Variants in AFF2 observed in about 807,000 individuals in gnomAD.
The protein encoded by AFF2 is ALF transcription elongation factor 2.
A neutral mutation model predicts 76.9 loss-of-function variants in AFF2; 14 were observed. The ratio of observed to expected loss-of-function variants is 0.18; its 90% CI spans 0.12 to 0.28. The LOEUF (loss-of-function observed/expected upper bound fraction) is 0.28, where lower values mean the gene tolerates loss of function less well. AFF2 is among the 10% of genes least tolerant of loss of function. The pLI is 1.00. For synonymous variants in AFF2, 398 were observed against 366.7 expected (o/e 1.09, Z -0.98); for missense variants, 868 against 1,001.1 (o/e 0.87, Z 1.79).
intron 3 of AFF2, among the ~76,000 whole-genome samples, chrX:148,807,631 TG>T (rs1557271450): frequency 8.9e-6 from 1 of 112,375 alleles, no homozygotes; most frequent in Non-Finnish European, 1.9e-5. Flanking sequence ...TGTGTTTGCG[TG>T]GGAAAAGGCG....
chrX:148,662,873 T>C, intron 3 of AFF2, 105 bp downstream of exon 3: 1 of 845,154 alleles, frequency 1.2e-6, no homozygotes, highest in Non-Finnish European at 1.6e-6. Flanking sequence ...CTTAATGAGC[T>C]GTATAGGATA....
chrX:148,985,523 G>A (rs12007360), intron 19 of AFF2, among the ~76,000 whole-genome samples: 5,427 of 108,794 alleles, frequency 0.05, 320 homozygotes, highest in African/African-American at 0.16. Flanking sequence ...AAGAATTACA[G>A]ACGAGAAAGT....
chrX:148,612,730 G>A (rs2053746734), intron 1 of AFF2, among the ~76,000 whole-genome samples: 1 of 111,886 alleles, frequency 8.9e-6, no homozygotes, highest in Non-Finnish European at 1.9e-5. Flanking sequence ...TTTCTGATTA[G>A]TACGAAAAGA....
chrX:148,927,524 C>T (rs374932955), intron 9 of AFF2, among the ~76,000 whole-genome samples: 1 of 110,516 alleles, frequency 9.0e-6, no homozygotes, highest in Non-Finnish European at 1.9e-5. Context: ...CCCACCAGGG[C>T]TCAAACTCCA....
chrX:148,845,660 C>T lies in AFF2; in HGVS notation c.1262+2227C>T, dbSNP rs2070657914. The stretch of plus-strand genomic sequence containing the variant: ...CGGCTTAGCCATTACTATCATTCTC[C>T]CACATTTAACTACAGTGTGCTTTTT... On this transcript the variant is annotated intron_variant, in intron 7 of 20. Transcript: ENST00000370460. Among the ~76,000 whole-genome samples, 3 of 112,078 alleles carry T rather than the reference C, an allele frequency of 2.7e-5. No individual in the cohort carries two copies. In the Admixed American group the frequency reaches 2.8e-4, roughly 11 times the overall value.
chrX:148,781,867 A>G (rs1165215939), intron 3 of AFF2, among the ~76,000 whole-genome samples: 1 of 111,488 alleles, frequency 9.0e-6, no homozygotes, highest in African/African-American at 3.3e-5. Flanking sequence ...GTGGGTTGCA[A>G]AGACCATGGG....
At chrX:148,945,320 A>G (rs2071887793) in intron 9 of AFF2, among the ~76,000 whole-genome samples, 2 of 112,576 alleles carry the variant, frequency 1.8e-5, no homozygotes, top group Non-Finnish European at 3.8e-5. Flanking sequence ...CTTAAATTTC[A>G]CCAAGTCAGA....
At chrX:148,591,917 C>T (rs1257322352) in intron 1 of AFF2, among the ~76,000 whole-genome samples, 1 of 112,569 alleles carries the variant, frequency 8.9e-6, no homozygotes, top group African/African-American at 3.2e-5. Context: ...CCATTCACAA[C>T]TTGTTCCTGT....
intron 4 of AFF2, among the ~76,000 whole-genome samples, chrX:148,824,408 CACA>C (rs1396990621): frequency 1.8e-5 from 2 of 111,759 alleles, no homozygotes; most frequent in Non-Finnish European, 3.8e-5. Flanking sequence ...TAAATATTCT[CACA>C]ACATTTAAAC....
At chrX:148,501,316 G>T (rs977869970) in intron 1 of AFF2, among the ~76,000 whole-genome samples, 172 bp downstream of exon 1, 61 of 112,683 alleles carry the variant, frequency 5.4e-4, no homozygotes, top group African/African-American at 2.0e-3. Flanking sequence ...GTCGGATGCC[G>T]GGGTGGGGGG....
At chrX:148,678,852 T>C (rs942651080) in intron 3 of AFF2, among the ~76,000 whole-genome samples, 6 of 111,905 alleles carry the variant, frequency 5.4e-5, no homozygotes, top group Non-Finnish European at 9.4e-5. Context: ...CAGTGTGTTA[T>C]TGAATCTTCC....
intron 3 of AFF2, 49 bp downstream of exon 3, chrX:148,662,817 T>C: frequency 8.9e-7 from 1 of 1,127,794 alleles, no homozygotes; most frequent in Non-Finnish European, 1.2e-6. Flanking sequence ...TTTAGTTCTC[T>C]GCTCTAACCT....
At chrX:148,675,119 C>T (rs1216652528) in intron 3 of AFF2, among the ~76,000 whole-genome samples, 7 of 111,397 alleles carry the variant, frequency 6.3e-5, no homozygotes, top group Non-Finnish European at 1.3e-4. Context: ...GAAATTATGG[C>T]ATTCTTGGTA....
intron 8 of AFF2, among the ~76,000 whole-genome samples, chrX:148,893,423 T>A (rs1363043163): frequency 8.9e-6 from 1 of 112,191 alleles, no homozygotes; most frequent in Admixed American, 9.5e-5. Flanking sequence ...TGACTTGTAA[T>A]CTATATACAA....
At chrX:148,831,831 A>T (rs1557273355) in intron 4 of AFF2, among the ~76,000 whole-genome samples, 1 of 111,987 alleles carries the variant, frequency 8.9e-6, no homozygotes, top group Non-Finnish European at 1.9e-5. Flanking sequence ...AACTGTCAGG[A>T]ACCATGGATA....
intron 1 of AFF2, among the ~76,000 whole-genome samples, chrX:148,615,645 C>A (rs2053790385): frequency 8.9e-6 from 1 of 111,819 alleles, no homozygotes; most frequent in Non-Finnish European, 1.9e-5. Context: ...TCTTTCCTCC[C>A]TTGAAGGATA....
intron 9 of AFF2, among the ~76,000 whole-genome samples, chrX:148,924,819 C>T (rs1487495202): frequency 8.9e-6 from 1 of 112,147 alleles, no homozygotes; most frequent in Non-Finnish European, 1.9e-5. Flanking sequence ...TATAGGCTTA[C>T]ACTGCTTCTG....
chrX:148,672,558 C>T (rs181884058), intron 3 of AFF2, among the ~76,000 whole-genome samples: 24 of 111,636 alleles, frequency 2.1e-4, no homozygotes, highest in African/African-American at 3.3e-4. Context: ...TCTACTGGCA[C>T]GTAAAGGGCA....
At chrX:148,951,515 T>A (rs1451275280) in intron 9 of AFF2, among the ~76,000 whole-genome samples, 1 of 111,663 alleles carries the variant, frequency 9.0e-6, no homozygotes. Flanking sequence ...TTGAGAATCA[T>A]AAATGTGGAT....
Sources: allele counts gnomAD v4.1 joint callset (sites outside exome capture counted in the v4.1 genomes callset), GRCh38; gene constraint gnomAD v4.1.1; transcripts MANE v1.5; gene names NCBI Gene and HGNC (gene_info 2026-07-23, HGNC 2026-07-21).